Variants in DHRS7 observed in about 807,000 individuals in gnomAD.
DHRS7 encodes the protein dehydrogenase/reductase 7.
DHRS7 carries 34 observed loss-of-function variants against 38.9 expected under a neutral mutation model. The ratio of observed to expected loss-of-function variants is 0.87; its 90% CI spans 0.66 to 1.16. The LOEUF is 1.16. DHRS7 is among the 50% of genes most tolerant of loss of function. The pLI, the probability that DHRS7 is intolerant of heterozygous loss-of-function variation, is 0.00. For synonymous variants in DHRS7, 158 were observed against 153.1 expected (o/e 1.03, Z -0.24); for missense variants, 421 against 407.0 (o/e 1.03, Z -0.30).
At chr14:60,160,650 C>G (rs1896747645) in intron 1 of DHRS7, among the ~76,000 whole-genome samples, 1 of 152,098 alleles carries the variant, frequency 6.6e-6, no homozygotes, top group Non-Finnish European at 1.5e-5. Context: ...GTGGCATGAT[C>G]TTGGCTCCCT....
rs1423911892 is a variant in DHRS7 at position 60,153,158 on chromosome 14, A to T, written c.414T>A (p.Asn138Lys). ...ACAGAGAACGCTGGGACATTCCACC[A>T]TTGTTGACCAGAATGTCGATCTAGT... ...EFGRIDILVN[N>K]GGMSQRSLCM... is the part of the protein sequence containing the mutation. Residue 138 changes from asparagine (N) to lysine (K), a missense_variant, in exon 4 of 7, where the codon AAT (asparagine) becomes AAA (lysine). Coordinates refer to ENST00000557185, the MANE Select transcript of DHRS7 (RefSeq NM_016029.4). The surrounding 1 kb of genome is among the most constrained non-coding windows in gnomAD (Gnocchi z 4.4). The T allele has an allele frequency of 1.2e-6, 2 of 1,614,086 alleles. No homozygotes were observed. Among genetic ancestry groups the T allele is most frequent in the Non-Finnish European group, 1.7e-6 (2 of 1,179,996 alleles).
intron 2 of DHRS7, 117 bp downstream of exon 2, chr14:60,155,883 T>C: frequency 1.9e-6 from 2 of 1,064,236 alleles, no homozygotes; most frequent in Non-Finnish European, 2.5e-6. Flanking sequence ...AGATGAAGCA[T>C]GTAGAACATT....
rs1416665193 is a variant in DHRS7, at chr14:60,144,343, C to T, written c.*623G>A. The T allele has an allele frequency of 6.6e-6, 1 of 152,348 alleles. No individual in the cohort carries two copies. The highest frequency in any genetic ancestry group is 1.5e-5 in the Non-Finnish European group (1 of 68,222). The allele number at this position is 152,348 out of a possible 1,614,324, so 9.4% of individuals were successfully genotyped here. A position where few individuals can be genotyped will look rare whatever the true frequency, so the allele number is the denominator to read the frequency against. ...GTTGCTATGGTTTGGATGTTTTTGTCCCCTCCAAAATTCATGTCGAAACTT... is the reference window on the plus strand; with the variant it reads ...GTTGCTATGGTTTGGATGTTTTTGTTCCCTCCAAAATTCATGTCGAAACTT... On this transcript the variant is annotated 3_prime_UTR_variant, in exon 7 of 7. Coordinates refer to ENST00000557185, the MANE Select transcript of DHRS7 (RefSeq NM_016029.4).
rs1254031 is a variant in DHRS7 at position 60,162,436 on chromosome 14, T to C, written c.133+2741A>G. ...TGCTTGGAAATGCACAGAATTTCTC[T>C]AGACGGATACAGAGGAGGCAGGAAA... On this transcript the variant is annotated intron_variant, in intron 1 of 6. Coordinates refer to ENST00000557185, the MANE Select transcript of DHRS7 (RefSeq NM_016029.4). This position sits in a 1 kb window ranked among gnomAD's most constrained non-coding sequence, Gnocchi z 4.5. 0.27 allele frequency among the ~76,000 whole-genome samples: 40,380 copies of C among 151,848 alleles called. 7,283 individuals are homozygous for C. The highest frequency in any genetic ancestry group is 0.51 in the African/African-American group (21,018 of 41,344).
intron 4 of DHRS7, among the ~76,000 whole-genome samples, chr14:60,151,274 TACTG>T (rs1896538656): frequency 6.6e-6 from 1 of 152,226 alleles, no homozygotes; most frequent in African/African-American, 2.4e-5. Context: ...CTTAAAAAGA[TACTG>T]ACCATTTCTA....
At position 60,153,516 on chromosome 14, in the gene DHRS7, G is replaced by A. The variant is rs1273755706; in HGVS notation, c.394-338C>T. ...TCAAGACCAGCCTGACCAACATGGT[G>A]AAACCCCATCTCTACTAAAAAATAT... On this transcript the variant is annotated intron_variant, in intron 3 of 6. Coordinates refer to ENST00000557185, the MANE Select transcript of DHRS7 (RefSeq NM_016029.4). The surrounding 1 kb of genome is among the most constrained non-coding windows in gnomAD (Gnocchi z 4.4). Among the ~76,000 whole-genome samples, 3 of 152,104 alleles carry A rather than the reference G, an allele frequency of 2.0e-5. No homozygotes were observed. The highest frequency in any genetic ancestry group is 4.8e-5 in the African/African-American group (2 of 41,420).
At chr14:60,165,545 G>C, upstream of DHRS7, 1 of 1,268,010 alleles carries the variant, frequency 7.9e-7, no homozygotes, top group Non-Finnish European at 9.9e-7. The surrounding 1 kb of genome is among the most constrained non-coding windows in gnomAD (Gnocchi z 4.6). Flanking sequence ...CGGCGGGGCC[G>C]GCAGATTGCT....
upstream of DHRS7, among the ~76,000 whole-genome samples, chr14:60,166,880 A>T (rs927275366): frequency 1.3e-5 from 2 of 152,208 alleles, no homozygotes; most frequent in Non-Finnish European, 2.9e-5. Context: ...TTGACATGAG[A>T]AGCAATAAGC....
chr14:60,165,471 C>T, upstream of DHRS7: 2 of 1,353,712 alleles, frequency 1.5e-6, no homozygotes, highest in East Asian at 6.3e-5. This position sits in a 1 kb window ranked among gnomAD's most constrained non-coding sequence, Gnocchi z 4.6. Context: ...TCGGGCGCGC[C>T]GGGCTCAGCA....
At position 60,145,338 on chromosome 14, in the gene DHRS7, A is replaced by G. The variant is rs1896370921; in HGVS notation, c.973-325T>C. 5.5e-6 allele frequency: 1 copy of G among 180,308 alleles called. No homozygotes were observed. Among genetic ancestry groups the G allele is most frequent in the Admixed American group, 6.2e-5 (1 of 16,256 alleles). 11.2% of individuals were successfully genotyped at this position (180,308 alleles called of 1,614,324 possible). Reference sequence around the variant, plus strand: ...CTGACTTGCCCTAATAAATAAAAACAATGAGTCAGATTATGTAGAATTGAG... The same window carrying G: ...CTGACTTGCCCTAATAAATAAAAACGATGAGTCAGATTATGTAGAATTGAG... On this transcript the variant is annotated intron_variant, in intron 6 of 6. Coordinates refer to ENST00000557185, the MANE Select transcript of DHRS7 (RefSeq NM_016029.4). The surrounding 1 kb of genome is among the most constrained non-coding windows in gnomAD (Gnocchi z 4.0).
rs1349420995 is a variant in DHRS7 at position 60,162,200 on chromosome 14, C to G, written c.133+2977G>C. Among the ~76,000 whole-genome samples the G allele has an allele frequency of 1.3e-5, 2 of 152,000 alleles. No individual in the cohort carries two copies. Among genetic ancestry groups the G allele is most frequent in the Non-Finnish European group, 2.9e-5 (2 of 68,000 alleles). ...AGACCAGCCTGGAACATAGTGAGAG[C>G]CTGTTTCTACAAAAAGTTTAAAAAT... On this transcript the variant is annotated intron_variant, in intron 1 of 6. Coordinates refer to ENST00000557185, the MANE Select transcript of DHRS7 (RefSeq NM_016029.4). This position sits in a 1 kb window ranked among gnomAD's most constrained non-coding sequence, Gnocchi z 4.5.
Position 60,145,025 on chromosome 14 carries a change from G to A in DHRS7, c.973-12C>T. 2 of 1,573,246 alleles carry A rather than the reference G, an allele frequency of 1.3e-6. No homozygotes were observed. Among genetic ancestry groups the A allele is most frequent in the Non-Finnish European group, 1.7e-6 (2 of 1,165,938 alleles). Reference sequence around the variant, plus strand: ...GAAGAGTCTGCATCCTGTAAAAGAGGGACAGAAACATGGATCAGTACCTAC... The same window carrying A: ...GAAGAGTCTGCATCCTGTAAAAGAGAGACAGAAACATGGATCAGTACCTAC... On this transcript the variant is annotated splice_polypyrimidine_tract_variant and intron_variant, in intron 6 of 6. Transcript: ENST00000557185. This position sits in a 1 kb window ranked among gnomAD's most constrained non-coding sequence, Gnocchi z 4.0.
In DHRS7 at chr14:60,161,855, C is replaced by T. The variant is rs781154877; in HGVS notation, c.133+3322G>A. ...CACATACAAGCAGCTAGTCAGGAGA[C>T]ATCTGTTGTTTGCAGTTGTTGCTTC... On this transcript the variant is annotated intron_variant, in intron 1 of 6. Transcript: ENST00000557185. This position sits in a 1 kb window ranked among gnomAD's most constrained non-coding sequence, Gnocchi z 4.2. 1.3e-5 allele frequency among the ~76,000 whole-genome samples: 2 copies of T among 152,186 alleles called. No homozygotes were observed. Among genetic ancestry groups the T allele is most frequent in the Non-Finnish European group, 2.9e-5 (2 of 68,036 alleles).
intron 1 of DHRS7, among the ~76,000 whole-genome samples, chr14:60,159,678 T>TACCTAA (rs1896724323): frequency 6.6e-6 from 1 of 152,184 alleles, no homozygotes; most frequent in Non-Finnish European, 1.5e-5. Flanking sequence ...TGTGAAAAAG[T>TACCTAA]GACCCCAATC....
chr14:60,169,674 G>T (rs1030597447), upstream of DHRS7: 1 of 152,210 alleles, frequency 6.6e-6, no homozygotes, highest in African/African-American at 2.4e-5. Flanking sequence ...TCTATTCTCT[G>T]TCACTGTATG....
At chr14:60,155,874 G>A (rs1896647213) in intron 2 of DHRS7, 126 bp downstream of exon 2, 1 of 980,184 alleles carries the variant, frequency 1.0e-6, no homozygotes, top group South Asian at 3.6e-5. Flanking sequence ...GAGGAACTGA[G>A]ATGAAGCATG....
At chr14:60,152,910 CT>C in intron 4 of DHRS7, 28 bp downstream of exon 4, 1 of 1,613,198 alleles carries the variant, frequency 6.2e-7, no homozygotes, top group Non-Finnish European at 8.5e-7. Flanking sequence ...TAAGTCAGTT[CT>C]ATCAGAGTTG....
rs1239016054 is a variant in DHRS7 at position 60,155,870 on chromosome 14, C to T, written c.286+130G>A. The T allele has an allele frequency of 8.4e-6, 8 of 947,950 alleles. No individual in the cohort carries two copies. The African/African-American group carries it at 1.2e-4, about 14-fold the overall frequency. 58.7% of individuals were successfully genotyped at this position (947,950 alleles called of 1,614,324 possible). A position where few individuals can be genotyped will look rare whatever the true frequency, so the allele number is the denominator to read the frequency against. ...CCAATTAAGGCAAAAAGGAGAGGAA[C>T]TGAGATGAAGCATGTAGAACATTTG... On this transcript the variant is annotated intron_variant, in intron 2 of 6. Coordinates refer to ENST00000557185, the MANE Select transcript of DHRS7 (RefSeq NM_016029.4).
Position 60,165,228 on chromosome 14 carries a change from C to T in DHRS7, c.82G>A (p.Ala28Thr). Residue 28 changes from alanine (A) to threonine (T), a missense_variant, in exon 1 of 7, where the codon GCT becomes ACT. Ala to Thr is a moderately conservative substitution (Grantham distance 58). Transcript: ENST00000557185. The surrounding 1 kb of genome is among the most constrained non-coding windows in gnomAD (Gnocchi z 4.6). ...LLVQLLRFLR[A>T]DGDLTLLWAE... ...CATAGTAGCGTCAGGTCGCCGTCAG[C>T]CCTCAGGAAGCGCAGCAGCTGCACC... 6 of 1,611,758 alleles carry T rather than the reference C, an allele frequency of 3.7e-6. No individual in the cohort carries two copies. The highest frequency in any genetic ancestry group is 5.1e-6 in the Non-Finnish European group (6 of 1,179,692).
Sources: allele counts gnomAD v4.1 joint callset (sites outside exome capture counted in the v4.1 genomes callset), GRCh38; gene constraint gnomAD v4.1.1; non-coding constraint Gnocchi (gnomAD v3.1); transcripts MANE v1.5; gene names NCBI Gene and HGNC (gene_info 2026-07-23, HGNC 2026-07-21).